Variants in FAM151B observed in about 807,000 individuals in gnomAD.
FAM151B encodes family with sequence similarity 151 member B, also known as protein FAM151B.
Under a neutral mutation model 31.2 loss-of-function variants are expected in FAM151B, and 24 were observed. The ratio of observed to expected loss-of-function variants is 0.77; its 90% CI spans 0.56 to 1.08. The LOEUF is 1.08. Among genes scored for constraint, FAM151B ranks in the 50% least tolerant of loss-of-function variants. The pLI is 0.00. For synonymous variants in FAM151B, 105 were observed against 111.4 expected (o/e 0.94, Z 0.36); for missense variants, 293 against 328.6 (o/e 0.89, Z 0.84).
At chr5:80,531,042 T>C (rs924036418) in intron 5 of FAM151B, among the ~76,000 whole-genome samples, 15 of 152,046 alleles carry the variant, frequency 9.9e-5, no homozygotes, top group African/African-American at 3.4e-4. Flanking sequence ...AACAGAGATA[T>C]AGACCAATGG....
At position 80,500,355 on chromosome 5, in the gene FAM151B, A is replaced by G. The variant is rs1048448681; in HGVS notation, c.26-1437A>G. The stretch of plus-strand genomic sequence containing the variant: ...ACCATGGAGGGTGTAGAAGAGAAAG[A>G]GAAGGTTCCTGCTGTGCCAGAAACC... On this transcript the variant is annotated intron_variant, in intron 1 of 5. Coordinates refer to ENST00000282226, the MANE Select transcript of FAM151B (RefSeq NM_205548.3). The G allele has an allele frequency of 2.0e-5, 21 of 1,072,626 alleles. No homozygotes were observed. The African/African-American group carries it at 3.1e-4, about 16-fold the overall frequency. 66.4% of individuals were successfully genotyped at this position (1,072,626 alleles called of 1,614,324 possible).
At chr5:80,492,353 A>G (rs1412256048) in intron 1 of FAM151B, among the ~76,000 whole-genome samples, 1 of 152,162 alleles carries the variant, frequency 6.6e-6, no homozygotes, top group Non-Finnish European at 1.5e-5. Context: ...AGTGATCTTC[A>G]AATACTACTA....
At chr5:80,541,091 A>G (rs189419513) in intron 5 of FAM151B, among the ~76,000 whole-genome samples, 3 of 152,362 alleles carry the variant, frequency 2.0e-5, no homozygotes, top group East Asian at 3.9e-4. Flanking sequence ...TCTTACATCT[A>G]TAATGAATTT....
chr5:80,532,867 A>C (rs1021806666), intron 5 of FAM151B, among the ~76,000 whole-genome samples: 16 of 152,300 alleles, frequency 1.1e-4, no homozygotes, highest in African/African-American at 3.8e-4. Flanking sequence ...ATACAAATAC[A>C]TGGAAATTAA....
At chr5:80,489,358 G>A (rs1406760134) in intron 1 of FAM151B, among the ~76,000 whole-genome samples, 1 of 152,028 alleles carries the variant, frequency 6.6e-6, no homozygotes, top group African/African-American at 2.4e-5. Context: ...TTTAAGATCT[G>A]TGCTAAACCT....
chr5:80,527,835 T>A (rs1440132698), intron 5 of FAM151B, among the ~76,000 whole-genome samples: 1 of 152,160 alleles, frequency 6.6e-6, no homozygotes, highest in Non-Finnish European at 1.5e-5. Flanking sequence ...TTATTTAAAA[T>A]TTCTTTTTCT....
intron 4 of FAM151B, 50 bp downstream of exon 4, chr5:80,519,960 G>T: frequency 4.6e-6 from 7 of 1,528,864 alleles, no homozygotes; most frequent in Non-Finnish European, 5.4e-6. Flanking sequence ...TATCCTCCAG[G>T]TATAAAAATA....
At chr5:80,489,350 T>C (rs1743229160) in intron 1 of FAM151B, among the ~76,000 whole-genome samples, 1 of 152,202 alleles carries the variant, frequency 6.6e-6, no homozygotes, top group Non-Finnish European at 1.5e-5. Flanking sequence ...CTCTCTTTTT[T>C]AAGATCTGTG....
intron 1 of FAM151B, among the ~76,000 whole-genome samples, chr5:80,491,678 C>T (rs2112593304): frequency 6.6e-6 from 1 of 152,276 alleles, no homozygotes; most frequent in Non-Finnish European, 1.5e-5. Context: ...CTGCTTTCTA[C>T]TCCTAGAGCT....
chr5:80,538,428 C>CTTT (rs1456772555), intron 5 of FAM151B, among the ~76,000 whole-genome samples: 1 of 58,204 alleles, frequency 1.7e-5, no homozygotes, highest in Non-Finnish European at 3.1e-5. Context: ...TTCTTTCTTT[C>CTTT]TTTCTTTCTT....
At chr5:80,510,960 T>A (rs1175656182) in intron 2 of FAM151B, 1 of 152,132 alleles carries the variant, frequency 6.6e-6, no homozygotes, top group African/African-American at 2.4e-5. Context: ...TGTTTGACCA[T>A]CAGTATTGTT....
At chr5:80,505,025 A>G (rs1743898672) in intron 2 of FAM151B, among the ~76,000 whole-genome samples, 1 of 152,216 alleles carries the variant, frequency 6.6e-6, no homozygotes, top group African/African-American at 2.4e-5. Context: ...AGCCACACAA[A>G]CATCAGGACT....
At chr5:80,527,123 G>T (rs1025898622) in intron 5 of FAM151B, among the ~76,000 whole-genome samples, 1 of 152,084 alleles carries the variant, frequency 6.6e-6, no homozygotes, top group Non-Finnish European at 1.5e-5. Context: ...TACCTTCTGA[G>T]AAATTTTTCA....
rs116061206 is a variant in FAM151B, at chr5:80,513,705, A to C, written c.253A>C (p.Thr85Pro). 1.2e-6 allele frequency: 2 copies of C among 1,613,974 alleles called. No homozygotes were observed. The highest frequency in any genetic ancestry group is 1.7e-6 in the Non-Finnish European group (2 of 1,180,014). Residue 85 changes from threonine to proline, a missense_variant, in exon 3 of 6, where the codon ACT (threonine) becomes CCT (proline). Transcript: ENST00000282226. ...TCCCCCTGAAACAAACAGTGATAAT[A>C]CTCTACAGGAGTGGCTGACTGAAGT... ...AHPPETNSDN[T>P]LQEWLTEVMK... is the part of the protein sequence containing the mutation.
Position 80,539,614 on chromosome 5 carries a change from C to T in FAM151B, c.672-2059C>T, listed in dbSNP as rs539205110. Among the ~76,000 whole-genome samples, 3 of 152,258 alleles carry T rather than the reference C, an allele frequency of 2.0e-5. No individual in the cohort carries two copies. In the South Asian group the frequency reaches 6.2e-4, roughly 32 times the overall value. On this transcript the variant is annotated intron_variant, in intron 5 of 5. Transcript: ENST00000282226. The stretch of plus-strand genomic sequence containing the variant: ...TCAAGCTATTCCTGTACCTCAGCCT[C>T]CCGAGTTAATGGGACTACAGGCGTG...
At chr5:80,509,118 C>T (rs1447264116) in intron 2 of FAM151B, among the ~76,000 whole-genome samples, 2 of 151,958 alleles carry the variant, frequency 1.3e-5, no homozygotes, top group Non-Finnish European at 2.9e-5. Flanking sequence ...GGACTACAGG[C>T]GTGTGCCACC....
intron 1 of FAM151B, among the ~76,000 whole-genome samples, chr5:80,491,700 T>C (rs1257038353): frequency 1.3e-5 from 2 of 152,200 alleles, no homozygotes; most frequent in African/African-American, 4.8e-5. Flanking sequence ...TACTTTTTGA[T>C]GTCCCAAATG....
At chr5:80,529,547 A>G (rs1328694543) in intron 5 of FAM151B, among the ~76,000 whole-genome samples, 3 of 152,240 alleles carry the variant, frequency 2.0e-5, no homozygotes, top group Admixed American at 1.3e-4. Flanking sequence ...AAAAAATGAT[A>G]AAGCGGATAT....
intron 1 of FAM151B, among the ~76,000 whole-genome samples, chr5:80,491,372 T>C (rs1033483120): frequency 6.6e-6 from 1 of 152,084 alleles, no homozygotes; most frequent in African/African-American, 2.4e-5. Context: ...CACACCACCA[T>C]GCCTGGGTTA....
Sources: allele counts gnomAD v4.1 joint callset (sites outside exome capture counted in the v4.1 genomes callset), GRCh38; gene constraint gnomAD v4.1.1; transcripts MANE v1.5; gene names NCBI Gene and HGNC (gene_info 2026-07-23, HGNC 2026-07-21).